Variants in KLF12 observed in about 807,000 individuals in gnomAD.
KLF12 encodes the protein KLF transcription factor 12, also known as Krueppel-like factor 12.
Under a neutral mutation model 37.8 loss-of-function variants are expected in KLF12, and 9 were observed. The observed-to-expected ratio is 0.24, with a 90% CI of 0.14 to 0.42. The LOEUF (loss-of-function observed/expected upper bound fraction) is 0.42, where lower values mean the gene tolerates loss of function less well. Among genes scored for constraint, KLF12 ranks in the 10% least tolerant of loss-of-function variants. The pLI is 1.00. For missense variants in KLF12, 411 were observed against 516.0 expected (o/e 0.80, Z 1.97); for synonymous variants, 208 against 202.1 (o/e 1.03, Z -0.25).
rs2137960443 is a variant in KLF12 at position 73,750,000 on chromosome 13, C to T, written c.869+14938G>A. Among the ~76,000 whole-genome samples the T allele has an allele frequency of 3.3e-5, 5 of 152,252 alleles. No individual in the cohort carries two copies. The East Asian group carries it at 9.6e-4, about 29-fold the overall frequency. ...TAAGGGACTCAATCTTGCCCCAGATCACATAATTAGAGAGTGACAGAACAG... is the reference window on the plus strand; with the variant it reads ...TAAGGGACTCAATCTTGCCCCAGATTACATAATTAGAGAGTGACAGAACAG... On this transcript the variant is annotated intron_variant, in intron 6 of 7. Transcript: ENST00000377669.
In KLF12 at chr13:73,695,192, A is replaced by T. The variant is rs1874052088; in HGVS notation, c.*298T>A. ...TAACAAAATGTCTGACAGCTCAGAAAATGTACAAGCTACAAACATCTTTAA... is the reference window on the plus strand; with the variant it reads ...TAACAAAATGTCTGACAGCTCAGAATATGTACAAGCTACAAACATCTTTAA... On this transcript the variant is annotated 3_prime_UTR_variant, in exon 8 of 8. Coordinates refer to ENST00000377669, the MANE Select transcript of KLF12 (RefSeq NM_007249.5). 3.2e-6 allele frequency: 1 copy of T among 315,252 alleles called. No homozygotes were observed. The highest frequency in any genetic ancestry group is 5.9e-6 in the Non-Finnish European group (1 of 170,728). 19.5% of individuals were successfully genotyped at this position (315,252 alleles called of 1,614,324 possible). A position where few individuals can be genotyped will look rare whatever the true frequency, so the allele number is the denominator to read the frequency against.
intron 6 of KLF12, among the ~76,000 whole-genome samples, chr13:73,746,180 T>A (rs765643498): frequency 6.6e-6 from 1 of 152,156 alleles, no homozygotes; most frequent in African/African-American, 2.4e-5. Context: ...CTTCATGTGA[T>A]AAAACACACT....
the KLF12 span, among the ~76,000 whole-genome samples, chr13:74,304,924 C>T: frequency 3.9e-5 from 6 of 151,970 alleles, no homozygotes; most frequent in South Asian, 2.1e-4. Context: ...TCCGCATTGC[C>T]GAGGATAATT....
chr13:73,863,418 C>T (rs1289007287), intron 3 of KLF12, among the ~76,000 whole-genome samples: 1 of 152,010 alleles, frequency 6.6e-6, no homozygotes, highest in Non-Finnish European at 1.5e-5. Flanking sequence ...TCCTTCTAAA[C>T]TTCAGTTATT....
At chr13:73,799,751 G>A (rs956380676) in intron 5 of KLF12, among the ~76,000 whole-genome samples, 12 of 152,176 alleles carry the variant, frequency 7.9e-5, no homozygotes, top group African/African-American at 2.9e-4. Context: ...ATTAGAAAAA[G>A]TGTCTCTTAC....
the KLF12 span, among the ~76,000 whole-genome samples, chr13:74,190,050 G>A: frequency 1.3e-5 from 2 of 151,984 alleles, no homozygotes; most frequent in African/African-American, 4.8e-5. Context: ...ACTGCAAAGA[G>A]TAACCTTGTC....
intron 3 of KLF12, among the ~76,000 whole-genome samples, chr13:73,894,151 G>A (rs910922251): frequency 5.3e-5 from 8 of 152,176 alleles, no homozygotes; most frequent in Non-Finnish European, 1.2e-4. Context: ...TTGGAGGCAA[G>A]TGAGCAAGCA....
the KLF12 span, among the ~76,000 whole-genome samples, chr13:74,154,979 G>T: frequency 3.3e-5 from 5 of 152,214 alleles, no homozygotes; most frequent in East Asian, 9.6e-4. Flanking sequence ...TATGAGAAGG[G>T]GATTTATTTC....
At chr13:73,999,730 A>T (rs2138298872) in intron 1 of KLF12, among the ~76,000 whole-genome samples, 1 of 151,542 alleles carries the variant, frequency 6.6e-6, no homozygotes, top group South Asian at 2.1e-4. Context: ...ACAGAGGGAG[A>T]CTCCATCTCA....
In KLF12 at chr13:73,945,410, A is replaced by T. The variant is rs547515101; in HGVS notation, c.34-1340T>A. On this transcript the variant is annotated intron_variant, in intron 2 of 7. Coordinates refer to ENST00000377669, the MANE Select transcript of KLF12 (RefSeq NM_007249.5). ...CTTGAACCTTGGAGGTGGAGGTTGC[A>T]GTGAGCCGAGATCACGCCATTGCAC... 1.7e-4 allele frequency among the ~76,000 whole-genome samples: 24 copies of T among 144,482 alleles called. 1 individual carries two copies. The East Asian group carries it at 4.0e-3, about 24-fold the overall frequency. 94.8% of individuals were successfully genotyped at this position (144,482 alleles called of 152,430 possible).
At chr13:73,784,431 TTCTC>T (rs1009479188) in intron 5 of KLF12, among the ~76,000 whole-genome samples, 1 of 152,098 alleles carries the variant, frequency 6.6e-6, no homozygotes, top group Non-Finnish European at 1.5e-5. Flanking sequence ...TGTCGTCGTT[TTCTC>T]TCTGTGATCT....
At chr13:74,158,306 G>T in the KLF12 span, among the ~76,000 whole-genome samples, 1 of 152,200 alleles carries the variant, frequency 6.6e-6, no homozygotes, top group Non-Finnish European at 1.5e-5. Context: ...GACTTAAAGG[G>T]GGGTGTAAGA....
intron 3 of KLF12, among the ~76,000 whole-genome samples, chr13:73,939,323 T>C (rs943706): frequency 0.35 from 52,560 of 152,144 alleles, 10,296 homozygotes; most frequent in East Asian, 0.6. Context: ...TTAAAACATT[T>C]TAATTTAAAG....
chr13:74,067,404 T>G (rs1301583267), intron 1 of KLF12, among the ~76,000 whole-genome samples: 1 of 152,188 alleles, frequency 6.6e-6, no homozygotes, highest in Non-Finnish European at 1.5e-5. Flanking sequence ...AATTATTACA[T>G]TAGATATAAC....
At chr13:73,845,756 G>C in intron 4 of KLF12, 71 bp downstream of exon 4, 1 of 1,359,136 alleles carries the variant, frequency 7.4e-7, no homozygotes, top group Non-Finnish European at 1.0e-6. Flanking sequence ...ATACAATTTA[G>C]GTTTTGTTCA....
chr13:73,820,687 A>AT (rs1883475353), intron 4 of KLF12, among the ~76,000 whole-genome samples: 1 of 152,038 alleles, frequency 6.6e-6, no homozygotes, highest in Admixed American at 6.5e-5. Flanking sequence ...CAATTTACTC[A>AT]TTTTTCCCCC....
At chr13:73,706,663 C>T (rs1417907918) in intron 7 of KLF12, among the ~76,000 whole-genome samples, 1 of 152,162 alleles carries the variant, frequency 6.6e-6, no homozygotes, top group Non-Finnish European at 1.5e-5. Flanking sequence ...CTTGCTGCAT[C>T]CCCCCAGTCA....
At chr13:74,216,650 T>C in the KLF12 span, among the ~76,000 whole-genome samples, 1 of 152,236 alleles carries the variant, frequency 6.6e-6, no homozygotes, top group Non-Finnish European at 1.5e-5. Flanking sequence ...GTGACTGAAC[T>C]ATTAAAATTA....
At chr13:73,888,600 A>C (rs938165318) in intron 3 of KLF12, among the ~76,000 whole-genome samples, 1 of 152,212 alleles carries the variant, frequency 6.6e-6, no homozygotes, top group Admixed American at 6.5e-5. Flanking sequence ...AGTTTCTTAA[A>C]AACAATATGG....
Sources: allele counts gnomAD v4.1 joint callset (sites outside exome capture counted in the v4.1 genomes callset), GRCh38; gene constraint gnomAD v4.1.1; transcripts MANE v1.5; gene names NCBI Gene and HGNC (gene_info 2026-07-23, HGNC 2026-07-21).